Variants in RPTOR observed in about 807,000 individuals in gnomAD.
RPTOR encodes regulatory associated protein of MTOR complex 1, also known as regulatory-associated protein of mTOR.
A neutral mutation model predicts 169.9 loss-of-function variants in RPTOR; 21 were observed. The ratio of observed to expected loss-of-function variants is 0.12; its 90% CI spans 0.09 to 0.18. The LOEUF is 0.18. Ranked by LOEUF, RPTOR falls within the 10% of genes least tolerant of loss-of-function variation. RPTOR has a pLI of 1.00. For missense variants in RPTOR, 1,133 were observed against 1,855.9 expected (o/e 0.61, Z 7.16); for synonymous variants, 732 against 753.2 (o/e 0.97, Z 0.46).
intron 7 of RPTOR, among the ~76,000 whole-genome samples, chr17:80,816,929 G>T (rs972142896): frequency 6.6e-5 from 10 of 152,238 alleles, no homozygotes; most frequent in Non-Finnish European, 4.4e-5. Context: ...CTGCGAGGCG[G>T]CTGCGGGGTC....
chr17:80,960,044 C>T lies in RPTOR; in HGVS notation c.3478-34C>T, dbSNP rs372998291. On this transcript the variant is annotated intron_variant, in intron 29 of 33. Transcript: ENST00000306801. The surrounding 1 kb of genome is among the most constrained non-coding windows in gnomAD (Gnocchi z 4.8). ...CAGCAGGGAGGGTGGCTCGGTGCCC[C>T]GGTCTTCACCGGGCTGCCTGTGTTT... 7.9e-5 allele frequency: 127 copies of T among 1,605,620 alleles called. No homozygotes were observed. The highest frequency in any genetic ancestry group is 5.3e-4 in the Admixed American group (32 of 59,942).
At chr17:80,853,425 A>G (rs754455232) in intron 11 of RPTOR, among the ~76,000 whole-genome samples, 9 of 152,108 alleles carry the variant, frequency 5.9e-5, no homozygotes, top group South Asian at 2.1e-4. Flanking sequence ...AGGGGCTCCC[A>G]GGGTCTGTGT....
chr17:80,730,771 T>TGG lies in RPTOR; in HGVS notation c.654+67_654+68dup. ...TTTTGTTTTCCCTGGGGGTGGGGTTTGGGTGGGGAGGTTGGGAGGTGTTGG... is the reference window on the plus strand; with the variant it reads ...TTTTGTTTTCCCTGGGGGTGGGGTTTGGGGGTGGGGAGGTTGGGAGGTGTTGG... On this transcript the variant is annotated intron_variant, in intron 5 of 33. Transcript: ENST00000306801. This position sits in a 1 kb window ranked among gnomAD's most constrained non-coding sequence, Gnocchi z 4.2. 78 of 479,794 alleles carry TGG rather than the reference T, an allele frequency of 1.6e-4. No individual in the cohort carries two copies. Among genetic ancestry groups the TGG allele is most frequent in the Non-Finnish European group, 2.6e-4 (65 of 250,590 alleles). 29.7% of individuals were successfully genotyped at this position (479,794 alleles called of 1,614,324 possible). A position where few individuals can be genotyped will look rare whatever the true frequency, so the allele number is the denominator to read the frequency against.
At chr17:80,685,940 T>G (rs547252306) in intron 3 of RPTOR, among the ~76,000 whole-genome samples, 37 of 151,964 alleles carry the variant, frequency 2.4e-4, no homozygotes, top group African/African-American at 8.2e-4. Flanking sequence ...CTGACAGTGT[T>G]GGTGGCCTCT....
chr17:80,837,844 C>T, intron 9 of RPTOR, 78 bp from the exon 10 acceptor site: 2 of 1,367,856 alleles, frequency 1.5e-6, no homozygotes, highest in Admixed American at 1.9e-5. Context: ...TCAGCCGGCT[C>T]CTCCTGTGCC....
intron 3 of RPTOR, among the ~76,000 whole-genome samples, chr17:80,699,711 T>C (rs2066067434): frequency 1.6e-5 from 2 of 125,562 alleles, no homozygotes; most frequent in Non-Finnish European, 1.7e-5. Context: ...AGAGGTGCTG[T>C]GCACGGTGCC....
intron 2 of RPTOR, among the ~76,000 whole-genome samples, chr17:80,638,769 G>A (rs1358555052): frequency 6.6e-6 from 1 of 152,150 alleles, no homozygotes; most frequent in Non-Finnish European, 1.5e-5. Context: ...TTTAAAACAG[G>A]ACATGTTCAT....
At chr17:80,688,021 C>T (rs562890496) in intron 3 of RPTOR, among the ~76,000 whole-genome samples, 6 of 152,318 alleles carry the variant, frequency 3.9e-5, no homozygotes, top group African/African-American at 1.4e-4. Flanking sequence ...ACACCCACCT[C>T]CACTCAGCAG....
intron 7 of RPTOR, among the ~76,000 whole-genome samples, chr17:80,814,649 C>G (rs1467271948): frequency 6.6e-6 from 1 of 152,182 alleles, no homozygotes. Context: ...GTATGCGGCA[C>G]CTGTTCTGTA....
At chr17:80,871,598 C>G (rs75471030) in intron 13 of RPTOR, among the ~76,000 whole-genome samples, 2,202 of 152,286 alleles carry the variant, frequency 0.014, 39 homozygotes, top group South Asian at 0.082. Context: ...GGAAGGAAGT[C>G]GCTTGGATGT....
intron 4 of RPTOR, among the ~76,000 whole-genome samples, chr17:80,712,174 TTGTTA>T (rs754188029): frequency 6.6e-6 from 1 of 152,200 alleles, no homozygotes; most frequent in Non-Finnish European, 1.5e-5. Context: ...TTGCTTTGGT[TTGTTA>T]TGTTTTTTAC....
At chr17:80,909,356 C>T (rs551614037) in intron 21 of RPTOR, among the ~76,000 whole-genome samples, 2 of 152,180 alleles carry the variant, frequency 1.3e-5, no homozygotes, top group Admixed American at 6.5e-5. Context: ...GCTGGGATTA[C>T]AAGCGTGAGC....
rs2067714442 is a variant in RPTOR at position 80,845,186 on chromosome 17, C to G, written c.1213-1287C>G. Among the ~76,000 whole-genome samples the G allele has an allele frequency of 6.6e-6, 1 of 152,062 alleles. No homozygotes were observed. Among genetic ancestry groups the G allele is most frequent in the African/African-American group, 2.4e-5 (1 of 41,418 alleles). On this transcript the variant is annotated intron_variant, in intron 10 of 33. Transcript: ENST00000306801. The surrounding 1 kb of genome is among the most constrained non-coding windows in gnomAD (Gnocchi z 5.4). ...GCCCTGCTGCCCACCTGCTCCATGG[C>G]ACCCAGGCGAATCCCCCTCCACTCT... is the stretch of plus-strand genomic sequence containing the variant.
At chr17:80,750,704 G>T (rs965840373) in intron 5 of RPTOR, among the ~76,000 whole-genome samples, 2 of 152,178 alleles carry the variant, frequency 1.3e-5, no homozygotes, top group Non-Finnish European at 1.5e-5. Flanking sequence ...ACAGCAGGTT[G>T]CATTGCCGAT....
intron 13 of RPTOR, among the ~76,000 whole-genome samples, chr17:80,863,993 A>G (rs80014805): frequency 0.11 from 17,482 of 152,276 alleles, 1,042 homozygotes; most frequent in Middle Eastern, 0.3. Flanking sequence ...AAATTTAATT[A>G]AAAGAATATT....
At chr17:80,661,834 C>T (rs2065726539) in intron 3 of RPTOR, among the ~76,000 whole-genome samples, 1 of 151,976 alleles carries the variant, frequency 6.6e-6, no homozygotes, top group African/African-American at 2.4e-5. Flanking sequence ...ACGGAGTTGC[C>T]GCGAGTCTCG....
intron 7 of RPTOR, among the ~76,000 whole-genome samples, chr17:80,800,026 C>T (rs960747157): frequency 2.0e-5 from 3 of 152,188 alleles, no homozygotes; most frequent in African/African-American, 2.4e-5. Flanking sequence ...TCTAGGGGTC[C>T]GTGTTGGGTA....
At chr17:80,848,618 A>T (rs750110191) in intron 11 of RPTOR, among the ~76,000 whole-genome samples, 8 of 152,248 alleles carry the variant, frequency 5.3e-5, no homozygotes, top group Non-Finnish European at 7.3e-5. Flanking sequence ...CAGGTTGCCC[A>T]TGCTGGGCCC....
intron 8 of RPTOR, 115 bp from the exon 9 acceptor site, chr17:80,822,964 T>G: frequency 9.2e-7 from 1 of 1,089,582 alleles, no homozygotes; most frequent in South Asian, 1.5e-5. Context: ...TGATGGGAGA[T>G]ATGCATATTA....
Sources: gnomAD v4.1 joint callset for allele counts (sites outside exome capture counted in the v4.1 genomes callset) on GRCh38, gnomAD v4.1.1 for gene constraint, Gnocchi (gnomAD v3.1) non-coding constraint, MANE v1.5 for transcripts, NCBI Gene and HGNC (gene_info 2026-07-23, HGNC 2026-07-21) for gene names.